Variants in AFG1L observed in about 807,000 individuals in gnomAD.
AFG1L encodes the protein AFG1 like ATPase.
Under a neutral mutation model 62.2 loss-of-function variants are expected in AFG1L, and 53 were observed. The observed-to-expected ratio is 0.85, with a 90% CI of 0.68 to 1.07. AFG1L has a LOEUF of 1.07. Ranked by LOEUF, AFG1L falls within the 50% of genes least tolerant of loss-of-function variation. AFG1L has a pLI of 0.00. For synonymous variants in AFG1L, 228 were observed against 210.3 expected (o/e 1.08, Z -0.73); for missense variants, 555 against 590.5 (o/e 0.94, Z 0.62).
chr6:108,390,711 G>T (rs989240537), intron 6 of AFG1L, among the ~76,000 whole-genome samples: 3 of 152,216 alleles, frequency 2.0e-5, no homozygotes, highest in African/African-American at 7.2e-5. Context: ...GTTGCTGCAT[G>T]ATCATTCCTC....
chr6:108,383,812 A>C (rs1271676118), intron 6 of AFG1L, among the ~76,000 whole-genome samples: 1 of 152,148 alleles, frequency 6.6e-6, no homozygotes, highest in Non-Finnish European at 1.5e-5. Context: ...ACAAAAGTAG[A>C]AAAGATGAAA....
At chr6:108,441,754 G>GACAATTAAGTGCTA (rs1264624738) in intron 7 of AFG1L, among the ~76,000 whole-genome samples, 3 of 149,508 alleles carry the variant, frequency 2.0e-5, no homozygotes, top group African/African-American at 7.4e-5. Context: ...GTATTTTTCA[G>GACAATTAAGTGCTA]ACAATTAAGT....
In AFG1L at chr6:108,509,612, A is replaced by G. The variant is rs757896172; in HGVS notation, c.1063-600A>G. ...GACAGGGACCTAAAGATTACAAACT[A>G]AGGCTGTGGCTAGAGATATTCTTTA... On this transcript the variant is annotated intron_variant, in intron 10 of 12. Coordinates refer to ENST00000368977, the MANE Select transcript of AFG1L (RefSeq NM_145315.5). Among the ~76,000 whole-genome samples the G allele has an allele frequency of 3.0e-4, 46 of 152,206 alleles. 1 individual carries two copies. The highest frequency in any genetic ancestry group is 4.0e-4 in the Non-Finnish European group (27 of 68,036).
At chr6:108,323,773 C>T in intron 1 of AFG1L, 52 bp from the exon 2 acceptor site, 1 of 1,297,196 alleles carries the variant, frequency 7.7e-7, no homozygotes, top group Non-Finnish European at 1.1e-6. Context: ...ATGTGTAGAG[C>T]ACTGTGAAAA....
At chr6:108,350,817 T>G (rs961785821) in intron 3 of AFG1L, among the ~76,000 whole-genome samples, 1 of 152,188 alleles carries the variant, frequency 6.6e-6, no homozygotes, top group Non-Finnish European at 1.5e-5. Context: ...TGTTTCACAT[T>G]GATTCAGATT....
At chr6:108,482,221 A>G (rs530392376) in intron 10 of AFG1L, among the ~76,000 whole-genome samples, 62 of 125,942 alleles carry the variant, frequency 4.9e-4, no homozygotes, top group African/African-American at 1.7e-3. Flanking sequence ...AAAATCATAC[A>G]TGACAAAAGA....
At chr6:108,445,089 T>C (rs1299481760) in intron 7 of AFG1L, among the ~76,000 whole-genome samples, 2 of 152,252 alleles carry the variant, frequency 1.3e-5, no homozygotes, top group African/African-American at 4.8e-5. Flanking sequence ...TGTTGCACCT[T>C]CTGCATCAGC....
At chr6:108,402,461 C>A (rs952224424) in intron 7 of AFG1L, among the ~76,000 whole-genome samples, 2 of 104,144 alleles carry the variant, frequency 1.9e-5, no homozygotes, top group African/African-American at 9.6e-5. Flanking sequence ...GAGACGCCGT[C>A]TCGAATAAAA....
chr6:108,358,723 G>A (rs9320262), intron 5 of AFG1L, among the ~76,000 whole-genome samples: 16,346 of 152,112 alleles, frequency 0.11, 2,488 homozygotes, highest in African/African-American at 0.34. Flanking sequence ...TAGTAGAGAC[G>A]GGGTTTCACC....
At chr6:108,504,445 A>G (rs1174485998) in intron 10 of AFG1L, among the ~76,000 whole-genome samples, 1 of 152,196 alleles carries the variant, frequency 6.6e-6, no homozygotes, top group Non-Finnish European at 1.5e-5. Flanking sequence ...AACACACAAA[A>G]TGTATCAAGT....
chr6:108,401,927 C>T, intron 6 of AFG1L, 69 bp from the exon 7 acceptor site: 1 of 707,136 alleles, frequency 1.4e-6, no homozygotes, highest in Non-Finnish European at 2.4e-6. Flanking sequence ...CTTTATTTGC[C>T]AGGCTAAACG....
intron 2 of AFG1L, among the ~76,000 whole-genome samples, chr6:108,339,634 A>G (rs1376725548): frequency 6.6e-6 from 1 of 151,636 alleles, no homozygotes; most frequent in Non-Finnish European, 1.5e-5. Context: ...TAATTTTTGT[A>G]TTTTTAGTAG....
chr6:108,385,418 A>G (rs1477441876), intron 6 of AFG1L, among the ~76,000 whole-genome samples: 1 of 152,238 alleles, frequency 6.6e-6, no homozygotes, highest in Non-Finnish European at 1.5e-5. Context: ...CCTTAAGGAC[A>G]TGTTCTTGCT....
intron 1 of AFG1L, among the ~76,000 whole-genome samples, chr6:108,302,619 C>T (rs911554157): frequency 4.6e-5 from 7 of 152,030 alleles, no homozygotes; most frequent in Non-Finnish European, 7.4e-5. Flanking sequence ...ACCCTGGGCA[C>T]GGACTGTGTA....
At chr6:108,302,002 A>C (rs576691181) in intron 1 of AFG1L, among the ~76,000 whole-genome samples, 6 of 151,498 alleles carry the variant, frequency 4.0e-5, no homozygotes, top group African/African-American at 1.5e-4. Context: ...CTGGAGTGCA[A>C]TTGGCATGAT....
chr6:108,416,308 G>A (rs1327646457), intron 7 of AFG1L, among the ~76,000 whole-genome samples: 2 of 152,126 alleles, frequency 1.3e-5, no homozygotes, highest in African/African-American at 2.4e-5. Context: ...AAATAGGAAT[G>A]CTTTTACACT....
At chr6:108,373,906 G>A (rs936744040) in intron 6 of AFG1L, among the ~76,000 whole-genome samples, 1 of 152,024 alleles carries the variant, frequency 6.6e-6, no homozygotes, top group South Asian at 2.1e-4. Context: ...TTTTTGAGAT[G>A]TCTCCAAACT....
chr6:108,402,421 G>A (rs1781669195), intron 7 of AFG1L, among the ~76,000 whole-genome samples: 1 of 143,090 alleles, frequency 7.0e-6, no homozygotes, highest in African/African-American at 2.6e-5. Flanking sequence ...CCGAGATCAC[G>A]CCACTACACT....
chr6:108,363,019 G>A (rs866058730), intron 5 of AFG1L, among the ~76,000 whole-genome samples: 2 of 152,000 alleles, frequency 1.3e-5, no homozygotes, highest in Admixed American at 1.3e-4. Context: ...GTTATTATTG[G>A]CCTTTAGGTA....
Sources: gnomAD v4.1 joint callset for allele counts (sites outside exome capture counted in the v4.1 genomes callset) on GRCh38, gnomAD v4.1.1 for gene constraint, MANE v1.5 for transcripts, NCBI Gene and HGNC (gene_info 2026-07-23, HGNC 2026-07-21) for gene names.